The following ZNF334 variants were observed in gnomAD, a reference collection of about 807,000 sequenced individuals.
ZNF334 encodes the protein zinc finger protein 334.
ZNF334 carries 14 observed loss-of-function variants against 12.4 expected under a neutral mutation model. The ratio of observed to expected loss-of-function variants is 1.13; its 90% CI spans 0.74 to 1.76. ZNF334 has a LOEUF of 1.76. Ranked by LOEUF, ZNF334 falls within the 40% of genes most tolerant of loss-of-function variation. The pLI, the probability that ZNF334 is intolerant of heterozygous loss-of-function variation, is 0.00. For synonymous variants in ZNF334, 273 were observed against 269.6 expected (o/e 1.01, Z -0.12); for missense variants, 797 against 804.5 (o/e 0.99, Z 0.11).
At chr20:46,486,499 A>G in the ZNF334 span, among the ~76,000 whole-genome samples, 14 of 152,292 alleles carry the variant, frequency 9.2e-5, no homozygotes, top group African/African-American at 3.1e-4. Context: ...TGCTGCACAA[A>G]TCTCACTTCT....
chr20:46,473,785 AT>A, the ZNF334 span, among the ~76,000 whole-genome samples: 4 of 152,238 alleles, frequency 2.6e-5, no homozygotes, highest in African/African-American at 9.6e-5. Flanking sequence ...CAGGGTGGCT[AT>A]AAAGTTGGGA....
the ZNF334 span, among the ~76,000 whole-genome samples, chr20:46,468,725 T>G: frequency 1.3e-5 from 2 of 152,210 alleles, no homozygotes; most frequent in African/African-American, 4.8e-5. Flanking sequence ...AACGGTAAAC[T>G]GACATGGCAC....
rs201486336 is a variant in ZNF334 at position 46,502,575 on chromosome 20, T to C, written c.764A>G (p.His255Arg). Reference protein sequence around the residue: ...TFSKRSTLIVHQRIHTGEKPY... With the variant: ...TFSKRSTLIVRQRIHTGEKPY... ...TTTCTCCCCTGTATGAATTCTCTGA[T>C]GTACAATGAGGGTAGATCTCTTAGA... The change falls in exon 5 of 5, where the codon CAT (histidine) becomes CGT (arginine). Residue 255 changes from histidine to arginine, a missense_variant. By Grantham distance (29) the His-to-Arg change is conservative. Transcript: ENST00000692313. 6.2e-6 allele frequency: 10 copies of C among 1,614,002 alleles called. No homozygotes were observed. The highest frequency in any genetic ancestry group is 8.5e-6 in the Non-Finnish European group (10 of 1,179,996).
At chr20:46,468,543 C>T in the ZNF334 span, among the ~76,000 whole-genome samples, 40 of 151,998 alleles carry the variant, frequency 2.6e-4, no homozygotes, top group Admixed American at 2.4e-3. Context: ...CCTCAGCCTC[C>T]GTAAGTGTTG....
At chr20:46,469,216 T>C in the ZNF334 span, among the ~76,000 whole-genome samples, 249 of 152,150 alleles carry the variant, frequency 1.6e-3, no homozygotes, top group African/African-American at 5.7e-3. Context: ...TTGAAAACTA[T>C]CCCCCAAACT....
the ZNF334 span, among the ~76,000 whole-genome samples, chr20:46,466,289 C>T: frequency 1.3e-5 from 2 of 152,046 alleles, no homozygotes; most frequent in Admixed American, 6.5e-5. Flanking sequence ...TTAGAAAATA[C>T]ATTTGTTAAG....
At chr20:46,506,311 T>C (rs2061428806) in intron 2 of ZNF334, 1 of 651,866 alleles carries the variant, frequency 1.5e-6, no homozygotes, top group Admixed American at 2.3e-5. Flanking sequence ...TATTACCTTT[T>C]ATGTAAGAAA....
the ZNF334 span, chr20:46,484,611 C>T: frequency 6.0e-6 from 1 of 167,448 alleles, no homozygotes. Context: ...TGTTAGTTCA[C>T]AACTGCCCAT....
chr20:46,488,779 G>T, the ZNF334 span, among the ~76,000 whole-genome samples: 1 of 148,050 alleles, frequency 6.8e-6, no homozygotes, highest in African/African-American at 2.5e-5. Context: ...AAAGCCATAT[G>T]CTGGGCATAG....
chr20:46,472,027 A>G, the ZNF334 span, among the ~76,000 whole-genome samples: 1 of 152,198 alleles, frequency 6.6e-6, no homozygotes, highest in Non-Finnish European at 1.5e-5. Context: ...ACATCTTTAC[A>G]ATATTTAGTT....
At chr20:46,469,424 G>A in the ZNF334 span, among the ~76,000 whole-genome samples, 229 of 150,538 alleles carry the variant, frequency 1.5e-3, 2 homozygotes, top group East Asian at 0.027. Context: ...GCTGGAGTGC[G>A]GTGGAGTGAT....
chr20:46,486,880 TAGTA>T, the ZNF334 span, among the ~76,000 whole-genome samples: 1 of 152,218 alleles, frequency 6.6e-6, no homozygotes, highest in East Asian at 1.9e-4. Flanking sequence ...ATTTCCCTAA[TAGTA>T]AGATGAAGCT....
At chr20:46,480,934 C>T in the ZNF334 span, 1 of 152,268 alleles carries the variant, frequency 6.6e-6, no homozygotes, top group African/African-American at 2.4e-5. Flanking sequence ...CTGCAGCATA[C>T]CCGTGGGCTC....
the ZNF334 span, among the ~76,000 whole-genome samples, chr20:46,488,310 G>A: frequency 1.6e-3 from 231 of 148,254 alleles, no homozygotes; most frequent in Non-Finnish European, 2.5e-3. Context: ...TTTAGTGGTT[G>A]TGTTGGGATT....
At chr20:46,465,587 T>C in the ZNF334 span, among the ~76,000 whole-genome samples, 2 of 152,098 alleles carry the variant, frequency 1.3e-5, no homozygotes, top group Non-Finnish European at 2.9e-5. Flanking sequence ...TAGCTGGGCA[T>C]GGTGGTGCAC....
At chr20:46,487,224 A>G in the ZNF334 span, among the ~76,000 whole-genome samples, 4 of 152,106 alleles carry the variant, frequency 2.6e-5, no homozygotes, top group Non-Finnish European at 5.9e-5. Flanking sequence ...TATCAGCATT[A>G]CGGGTTTAAA....
the ZNF334 span, chr20:46,464,076 C>A: frequency 3.2e-6 from 2 of 621,454 alleles, no homozygotes; most frequent in Non-Finnish European, 6.3e-6. Context: ...CCTCAATGAG[C>A]TCCGAGAAGT....
the ZNF334 span, among the ~76,000 whole-genome samples, chr20:46,470,478 G>A: frequency 1.3e-5 from 2 of 152,180 alleles, no homozygotes; most frequent in Non-Finnish European, 2.9e-5. Flanking sequence ...TATGGCCAAT[G>A]GAGTCTAGAA....
chr20:46,472,228 T>C, the ZNF334 span, among the ~76,000 whole-genome samples: 2 of 152,196 alleles, frequency 1.3e-5, no homozygotes, highest in South Asian at 2.1e-4. Flanking sequence ...TTGCGGAATA[T>C]AGTCCAGCTA....
Sources: allele counts gnomAD v4.1 joint callset (sites outside exome capture counted in the v4.1 genomes callset), GRCh38; gene constraint gnomAD v4.1.1; transcripts MANE v1.5; gene names NCBI Gene and HGNC (gene_info 2026-07-23, HGNC 2026-07-21).